Variants in AAGAB observed in about 807,000 individuals in gnomAD.
The protein encoded by AAGAB is alpha- and gamma-adaptin-binding protein p34.
Under a neutral mutation model 44.1 loss-of-function variants are expected in AAGAB, and 38 were observed. That is an observed-to-expected ratio of 0.86 (90% confidence interval 0.67 to 1.13). The LOEUF is 1.13. Ranked by LOEUF, AAGAB falls within the 50% of genes most tolerant of loss-of-function variation. The probability of loss-of-function intolerance (pLI) is 0.00; values close to 1 mark genes in which losing one functional copy is unlikely to be tolerated. For synonymous variants in AAGAB, 131 were observed against 131.8 expected (o/e 0.99, Z 0.04); for missense variants, 450 against 373.8 (o/e 1.20, Z -1.68).
chr15:67,222,242 G>GCGCACACA (rs1367738219), intron 5 of AAGAB, among the ~76,000 whole-genome samples: 9,956 of 89,742 alleles, frequency 0.11, 420 homozygotes, highest in Non-Finnish European at 0.12. Flanking sequence ...GCGCGCGCGC[G>GCGCACACA]CACACACACA....
intron 7 of AAGAB, among the ~76,000 whole-genome samples, chr15:67,205,695 A>C (rs1963669170): frequency 6.6e-6 from 1 of 152,212 alleles, no homozygotes; most frequent in Non-Finnish European, 1.5e-5. Context: ...ATTTAGCGGC[A>C]TGGAGGTCAT....
chr15:67,219,630 T>G (rs1964023575), intron 5 of AAGAB, among the ~76,000 whole-genome samples: 1 of 151,568 alleles, frequency 6.6e-6, no homozygotes, highest in South Asian at 2.1e-4. Context: ...GACAAAAAGA[T>G]TGGAACAGTA....
chr15:67,237,322 C>T (rs1964494799), intron 1 of AAGAB, among the ~76,000 whole-genome samples: 2 of 152,164 alleles, frequency 1.3e-5, no homozygotes, highest in Admixed American at 1.3e-4. Flanking sequence ...ATTAATTCAG[C>T]TAATGAAATA....
chr15:67,243,249 G>A (rs748465189), intron 1 of AAGAB, among the ~76,000 whole-genome samples: 1 of 152,110 alleles, frequency 6.6e-6, no homozygotes, highest in Non-Finnish European at 1.5e-5. Flanking sequence ...TCAGGAAAGG[G>A]AGAGAGAATA....
chr15:67,234,006 G>A (rs1184969991), intron 4 of AAGAB, among the ~76,000 whole-genome samples: 2 of 151,900 alleles, frequency 1.3e-5, no homozygotes. Flanking sequence ...ACTTTGGGAG[G>A]CCGAGGCAGG....
chr15:67,214,733 C>T (rs1187457475), intron 5 of AAGAB, among the ~76,000 whole-genome samples: 6 of 152,066 alleles, frequency 3.9e-5, no homozygotes, highest in Admixed American at 1.3e-4. Flanking sequence ...CTCCGCCTCC[C>T]GGGTTCAGGC....
At chr15:67,224,633 T>C (rs1208728902) in intron 5 of AAGAB, among the ~76,000 whole-genome samples, 1 of 149,686 alleles carries the variant, frequency 6.7e-6, no homozygotes, top group Non-Finnish European at 1.5e-5. Context: ...CAGGCTGGAG[T>C]GCAGTGGCGC....
At chr15:67,238,009 G>A (rs2140382658) in intron 1 of AAGAB, among the ~76,000 whole-genome samples, 1 of 152,308 alleles carries the variant, frequency 6.6e-6, no homozygotes, top group East Asian at 1.9e-4. Flanking sequence ...AAGTGTGTGT[G>A]TATGAATATA....
intron 5 of AAGAB, among the ~76,000 whole-genome samples, chr15:67,225,525 C>G (rs1404444355): frequency 1.3e-5 from 2 of 152,136 alleles, no homozygotes; most frequent in African/African-American, 4.8e-5. Flanking sequence ...ATTTTCACCA[C>G]CCCAGAAAGA....
chr15:67,226,151 G>A (rs543211266), intron 5 of AAGAB, among the ~76,000 whole-genome samples: 8 of 150,582 alleles, frequency 5.3e-5, no homozygotes, highest in South Asian at 2.1e-4. Context: ...TTTTTAATAC[G>A]AATTGGGGTC....
intron 9 of AAGAB, 69 bp from the exon 10 acceptor site, chr15:67,202,967 T>G: frequency 6.9e-7 from 1 of 1,446,230 alleles, no homozygotes; most frequent in Non-Finnish European, 9.7e-7. Context: ...ATGTCATACC[T>G]TAAACTGACT....
At chr15:67,254,724 G>T (rs1046134763), upstream of AAGAB, 62 of 1,405,618 alleles carry the variant, frequency 4.4e-5, no homozygotes, top group East Asian at 1.4e-3. Context: ...GCCGGAGAGG[G>T]CGTTCTCGGA....
At chr15:67,251,960 C>G (rs1249045925) in intron 1 of AAGAB, among the ~76,000 whole-genome samples, 1 of 152,196 alleles carries the variant, frequency 6.6e-6, no homozygotes, top group Admixed American at 6.5e-5. Flanking sequence ...TTTCCTTATT[C>G]AAGTAATCTG....
chr15:67,254,522 G>C, intron 1 of AAGAB, 37 bp downstream of exon 1: 1 of 1,574,530 alleles, frequency 6.4e-7, no homozygotes, highest in Non-Finnish European at 8.6e-7. Context: ...TGAGGCTCAG[G>C]GGCCTTGGAG....
chr15:67,209,335 A>G (rs1281607332), intron 6 of AAGAB, 127 bp downstream of exon 6: 10 of 849,760 alleles, frequency 1.2e-5, no homozygotes, highest in Admixed American at 6.3e-5. Context: ...CCTTCCTTTC[A>G]TCTATTTTTA....
chr15:67,227,250 T>G (rs1964226116), intron 5 of AAGAB, among the ~76,000 whole-genome samples: 1 of 152,166 alleles, frequency 6.6e-6, no homozygotes, highest in African/African-American at 2.4e-5. Context: ...CAATTGTGAT[T>G]ACAGTAATTT....
chr15:67,253,877 C>T (rs746217243), intron 1 of AAGAB, among the ~76,000 whole-genome samples: 10 of 152,160 alleles, frequency 6.6e-5, no homozygotes, highest in Non-Finnish European at 1.3e-4. Context: ...TCTTGAGTTA[C>T]CTATAATTCA....
intron 5 of AAGAB, chr15:67,226,550 C>G (rs957040912): frequency 2.0e-5 from 3 of 152,100 alleles, no homozygotes; most frequent in African/African-American, 7.2e-5. Flanking sequence ...TTTATATATT[C>G]TAGATATATT....
chr15:67,204,779 T>C (rs1291885870), intron 7 of AAGAB, among the ~76,000 whole-genome samples: 1 of 152,218 alleles, frequency 6.6e-6, no homozygotes, highest in Non-Finnish European at 1.5e-5. Flanking sequence ...TTGTTTTTAA[T>C]CAGAATTTTA....
Sources: allele counts gnomAD v4.1 joint callset (sites outside exome capture counted in the v4.1 genomes callset), GRCh38; gene constraint gnomAD v4.1.1; transcripts MANE v1.5; gene names NCBI Gene and HGNC (gene_info 2026-07-23, HGNC 2026-07-21).